The following ATXN2 variants were observed in gnomAD, a reference collection of about 807,000 sequenced individuals.
ATXN2 encodes the protein ataxin 2, also known as ataxin-2.
ATXN2 carries 37 observed loss-of-function variants against 138.6 expected under a neutral mutation model. That is an observed-to-expected ratio of 0.27 (90% CI 0.21 to 0.35). ATXN2 has a LOEUF of 0.35. Ranked by LOEUF, ATXN2 falls within the 10% of genes least tolerant of loss-of-function variation. The pLI is 1.00. For synonymous variants in ATXN2, 549 were observed against 543.7 expected (o/e 1.01, Z -0.13); for missense variants, 1,216 against 1,480.3 (o/e 0.82, Z 2.93).
intron 1 of ATXN2, among the ~76,000 whole-genome samples, chr12:111,591,315 T>C (rs1884652805): frequency 6.6e-6 from 1 of 152,150 alleles, no homozygotes. Flanking sequence ...ATCTTGTGTA[T>C]ATATTACGTT....
At chr12:111,538,805 A>T (rs1452364944) in intron 5 of ATXN2, among the ~76,000 whole-genome samples, 2 of 150,492 alleles carry the variant, frequency 1.3e-5, no homozygotes, top group African/African-American at 4.8e-5. Flanking sequence ...CAAACTTACT[A>T]ATCAGATTCC....
intron 14 of ATXN2, among the ~76,000 whole-genome samples, chr12:111,494,794 T>C (rs150750159): frequency 6.6e-6 from 1 of 151,276 alleles, no homozygotes; most frequent in Non-Finnish European, 1.5e-5. Context: ...AATTAAAACA[T>C]ACCACCAGAG....
chr12:111,598,159 C>T lies in ATXN2; in HGVS notation c.251+625G>A, dbSNP rs1171180270. On this transcript the variant is annotated intron_variant, in intron 1 of 24. Coordinates refer to ENST00000673436, the MANE Select transcript of ATXN2 (RefSeq NM_001372574.1). This position sits in a 1 kb window ranked among gnomAD's most constrained non-coding sequence, Gnocchi z 4.5. The stretch of plus-strand genomic sequence containing the variant: ...CCTCGGACACGAACGCAGAGGGGTG[C>T]GGGGGCCAAGGCCCACTTGTCTCCA... 4.6e-6 allele frequency: 5 copies of T among 1,098,380 alleles called. No individual in the cohort carries two copies. The highest frequency in any genetic ancestry group is 1.6e-5 in the African/African-American group (1 of 60,816). The allele number at this position is 1,098,380 out of a possible 1,614,324, so 68.0% of individuals were successfully genotyped here.
intron 5 of ATXN2, among the ~76,000 whole-genome samples, chr12:111,547,644 G>A (rs1390111952): frequency 3.3e-5 from 5 of 151,722 alleles, no homozygotes; most frequent in African/African-American, 1.2e-4. Context: ...AGAATCGCTT[G>A]AACCCAGAAG....
intron 5 of ATXN2, among the ~76,000 whole-genome samples, chr12:111,545,740 T>C (rs2135777259): frequency 6.6e-6 from 1 of 152,028 alleles, no homozygotes; most frequent in African/African-American, 2.4e-5. Context: ...GGGAAGACTC[T>C]TAGGCCCAGC....
chr12:111,573,742 T>C (rs1489353159), intron 1 of ATXN2, among the ~76,000 whole-genome samples: 1 of 152,162 alleles, frequency 6.6e-6, no homozygotes, highest in Non-Finnish European at 1.5e-5. Context: ...ATACAAGTAA[T>C]GCTCTTGGCA....
chr12:111,503,024 T>C (rs1878881226), intron 14 of ATXN2, among the ~76,000 whole-genome samples: 1 of 152,118 alleles, frequency 6.6e-6, no homozygotes, highest in Non-Finnish European at 1.5e-5. Flanking sequence ...CCTAGGTCCA[T>C]TTACCTCTAA....
At chr12:111,590,602 T>C (rs529696437) in intron 1 of ATXN2, among the ~76,000 whole-genome samples, 5 of 151,866 alleles carry the variant, frequency 3.3e-5, no homozygotes, top group Admixed American at 3.3e-4. Flanking sequence ...GGAGAATCGC[T>C]TGAACCCGGG....
In ATXN2 at chr12:111,519,974, T is replaced by C. The variant is rs1880066231; in HGVS notation, c.891A>G (p.Arg297=). The C allele has an allele frequency of 6.2e-7, 1 of 1,614,160 alleles. No homozygotes were observed. Among genetic ancestry groups the C allele is most frequent in the Non-Finnish European group, 8.5e-7 (1 of 1,180,036 alleles). ...EIESSAQYKA[R]VALENDDRSE... ...TCCTATCATCATTTTCCAGGGCCACTCGAGCTTTGTACTGGGCACTTGACT... is the reference window on the plus strand; with the variant it reads ...TCCTATCATCATTTTCCAGGGCCACCCGAGCTTTGTACTGGGCACTTGACT... The change falls in exon 8 of 25, where the codon CGA becomes CGG. Residue 297 remains arginine, a synonymous_variant. Transcript: ENST00000673436.
chr12:111,491,177 C>T lies in ATXN2; in HGVS notation c.1936-2397G>A, dbSNP rs555514868. Among the ~76,000 whole-genome samples the T allele has an allele frequency of 3.9e-5, 6 of 152,134 alleles. No homozygotes were observed. The East Asian group carries it at 7.7e-4, about 20-fold the overall frequency. On this transcript the variant is annotated intron_variant, in intron 14 of 24. Coordinates refer to ENST00000673436, the MANE Select transcript of ATXN2 (RefSeq NM_001372574.1). ...CTGAGGTAGGAGAATTATTTGAACC[C>T]GGGAGGCGGAGGTTGTGGTGAGCTG...
intron 1 of ATXN2, among the ~76,000 whole-genome samples, chr12:111,565,216 C>T (rs1882930272): frequency 6.6e-6 from 1 of 151,908 alleles, no homozygotes; most frequent in African/African-American, 2.4e-5. Flanking sequence ...TACATGCATA[C>T]CTCATTTTAT....
chr12:111,593,030 G>C (rs924110938), intron 1 of ATXN2, among the ~76,000 whole-genome samples: 1 of 151,968 alleles, frequency 6.6e-6, no homozygotes, highest in Admixed American at 6.6e-5. Context: ...TAAGGTGACA[G>C]TTCTAACACG....
intron 18 of ATXN2, 21 bp downstream of exon 18, chr12:111,485,244 C>T (rs1877558394): frequency 1.3e-6 from 2 of 1,597,992 alleles, no homozygotes. Context: ...TACAAGCAAA[C>T]ACAGGCAGGA....
intron 5 of ATXN2, among the ~76,000 whole-genome samples, chr12:111,531,286 G>A (rs1244530703): frequency 2.0e-5 from 3 of 152,002 alleles, no homozygotes; most frequent in East Asian, 1.9e-4. Flanking sequence ...GGTGGTACAC[G>A]CCTATAGTCC....
intron 1 of ATXN2, among the ~76,000 whole-genome samples, chr12:111,568,952 G>A (rs1407782330): frequency 6.6e-6 from 1 of 152,002 alleles, no homozygotes; most frequent in African/African-American, 2.4e-5. Context: ...GCAAGAGGGG[G>A]TAGGCCATGA....
intron 21 of ATXN2, chr12:111,457,734 C>T (rs1875218212): frequency 5.5e-6 from 1 of 181,746 alleles, no homozygotes; most frequent in Admixed American, 5.5e-5. Context: ...CTAACCTCAC[C>T]ATGCTACTGC....
intron 11 of ATXN2, 154 bp downstream of exon 11, chr12:111,513,203 C>T (rs2135733382): frequency 1.2e-6 from 1 of 808,792 alleles, no homozygotes; most frequent in South Asian, 2.1e-5. Flanking sequence ...TGGTAGAGCC[C>T]AGAATAAAAA....
At chr12:111,535,822 A>G (rs1260153240) in intron 5 of ATXN2, among the ~76,000 whole-genome samples, 2 of 151,402 alleles carry the variant, frequency 1.3e-5, no homozygotes, top group Non-Finnish European at 2.9e-5. Flanking sequence ...AAAACGGTGA[A>G]ACCCCGTCTC....
Position 111,528,918 on chromosome 12 carries a change from T to G in ATXN2, c.572-3602A>C, listed in dbSNP as rs532463941. ...TCCACTATCGTAAATTCTGATTTGT[T>G]TTACAGTGGTTACAAGTTTGGATTT... On this transcript the variant is annotated intron_variant, in intron 5 of 24. Transcript: ENST00000673436. Among the ~76,000 whole-genome samples the G allele has an allele frequency of 1.3e-4, 20 of 152,340 alleles. 1 individual carries two copies. Among genetic ancestry groups the G allele is most frequent in the African/African-American group, 4.6e-4 (19 of 41,578 alleles).
Sources: allele counts gnomAD v4.1 joint callset (sites outside exome capture counted in the v4.1 genomes callset), GRCh38; gene constraint gnomAD v4.1.1; non-coding constraint Gnocchi (gnomAD v3.1); transcripts MANE v1.5; gene names NCBI Gene and HGNC (gene_info 2026-07-23, HGNC 2026-07-21).